The following DNAH5 variants were observed in gnomAD, a reference collection of about 807,000 sequenced individuals.
The protein encoded by DNAH5 is dynein axonemal heavy chain 5.
A neutral mutation model predicts 518.2 loss-of-function variants in DNAH5; 372 were observed. That is an observed-to-expected ratio of 0.72 (90% CI 0.66 to 0.78). DNAH5 has a LOEUF of 0.78. Among genes scored for constraint, DNAH5 ranks in the 30% least tolerant of loss-of-function variants. The probability of loss-of-function intolerance (pLI) is 0.00; values close to 1 mark genes in which losing one functional copy is unlikely to be tolerated. For missense variants in DNAH5, 5,523 were observed against 5,687.0 expected (o/e 0.97, Z 0.93); for synonymous variants, 2,039 against 2,025.9 (o/e 1.01, Z -0.17).
intron 16 of DNAH5, among the ~76,000 whole-genome samples, chr5:13,893,689 G>A (rs956017215): frequency 6.6e-6 from 1 of 152,090 alleles, no homozygotes; most frequent in Non-Finnish European, 1.5e-5. Context: ...AGATGAAACT[G>A]TACTAAACCA....
intron 70 of DNAH5, among the ~76,000 whole-genome samples, chr5:13,724,023 A>G (rs1037141063): frequency 6.6e-6 from 1 of 152,232 alleles, no homozygotes; most frequent in Non-Finnish European, 1.5e-5. Context: ...AAGGATGCTC[A>G]GCAATCCCAG....
At chr5:13,986,233 AT>A (rs1304811059) in intron 1 of DNAH5, among the ~76,000 whole-genome samples, 1 of 152,190 alleles carries the variant, frequency 6.6e-6, no homozygotes, top group Non-Finnish European at 1.5e-5. Flanking sequence ...GTGTGTGTGC[AT>A]TCTGAGCTTC....
At chr5:13,884,688 T>C (rs1772140008) in intron 19 of DNAH5, among the ~76,000 whole-genome samples, 1 of 152,110 alleles carries the variant, frequency 6.6e-6, no homozygotes, top group South Asian at 2.1e-4. Flanking sequence ...ATACAAAAAA[T>C]TAGCCAGGCG....
intron 60 of DNAH5, among the ~76,000 whole-genome samples, chr5:13,761,287 T>A (rs1751732498): frequency 6.6e-6 from 1 of 152,160 alleles, no homozygotes; most frequent in Non-Finnish European, 1.5e-5. Context: ...TGAACTTAAC[T>A]GTAGTTCTCT....
At chr5:13,964,235 G>A (rs919032953) in intron 1 of DNAH5, among the ~76,000 whole-genome samples, 23 of 152,054 alleles carry the variant, frequency 1.5e-4, no homozygotes, top group Non-Finnish European at 2.8e-4. Flanking sequence ...AGACAGCCCA[G>A]GGTCACCTAG....
chr5:13,871,114 C>A, intron 23 of DNAH5, 112 bp from the exon 24 acceptor site: 3 of 749,866 alleles, frequency 4.0e-6, no homozygotes, highest in Admixed American at 2.9e-5. Context: ...TGCCCTCTAA[C>A]CCACAAAAAA....
intron 16 of DNAH5, 76 bp downstream of exon 16, chr5:13,894,574 G>T: frequency 1.4e-6 from 2 of 1,478,480 alleles, no homozygotes; most frequent in Non-Finnish European, 1.9e-6. Flanking sequence ...TCTCCATATT[G>T]ATAAGAAATT....
At chr5:13,885,302 C>G in intron 18 of DNAH5, 74 bp from the exon 19 acceptor site, 3 of 1,537,500 alleles carry the variant, frequency 2.0e-6, no homozygotes, top group Non-Finnish European at 2.7e-6. Flanking sequence ...GATAGATAGA[C>G]AGATAGATAG....
rs539882087 is a variant in DNAH5, at chr5:13,735,509, G to A, written c.11571-188C>T. Among the ~76,000 whole-genome samples the A allele has an allele frequency of 2.2e-4, 33 of 152,194 alleles. No individual in the cohort carries two copies. In the South Asian group the frequency reaches 6.9e-3, roughly 32 times the overall value. On this transcript the variant is annotated intron_variant, in intron 67 of 78. Coordinates refer to ENST00000265104, the MANE Select transcript of DNAH5 (RefSeq NM_001369.3). Reference sequence around the variant, plus strand: ...ACATGAAATAATATAACAGAATCCCGAATGTTGTCTAAATCAATTCTACCT... The same window carrying A: ...ACATGAAATAATATAACAGAATCCCAAATGTTGTCTAAATCAATTCTACCT...
chr5:13,941,055 T>C lies in DNAH5; in HGVS notation c.57+3327A>G, dbSNP rs1779414473. 3.8e-5 allele frequency among the ~76,000 whole-genome samples: 3 copies of C among 78,938 alleles called. No homozygotes were observed. In the Admixed American group the frequency reaches 4.7e-4, roughly 12 times the overall value. 51.8% of individuals were successfully genotyped at this position (78,938 alleles called of 152,430 possible). ...CTAGTTCAGGCTAGAGAGTGCTCAG[T>C]GGGCCTTTACAAGCAGCACTGGCAC... On this transcript the variant is annotated intron_variant, in intron 1 of 78. Transcript: ENST00000265104.
rs1235570607 is a variant in DNAH5, at chr5:13,963,704, C to A, written c.13-32460G>T. Among the ~76,000 whole-genome samples the A allele has an allele frequency of 2.0e-5, 3 of 152,092 alleles. No homozygotes were observed. In the East Asian group the frequency reaches 5.8e-4, roughly 29 times the overall value. On this transcript the variant is annotated intron_variant, in intron 1 of 78. Coordinates refer to the DNAH5 transcript ENST00000681290. Reference sequence around the variant, plus strand: ...AACCAGATATACTCTTATACCCGAACATTAATAAAATTGCTCTCCCCACTA... The same window carrying A: ...AACCAGATATACTCTTATACCCGAAAATTAATAAAATTGCTCTCCCCACTA...
At chr5:13,831,892 C>G (rs1189960858) in intron 35 of DNAH5, among the ~76,000 whole-genome samples, 1 of 152,134 alleles carries the variant, frequency 6.6e-6, no homozygotes, top group Non-Finnish European at 1.5e-5. Flanking sequence ...GTTCCTTTCC[C>G]CCACTGTACA....
intron 35 of DNAH5, among the ~76,000 whole-genome samples, chr5:13,838,652 T>C (rs1443590839): frequency 1.3e-5 from 2 of 152,174 alleles, no homozygotes; most frequent in Admixed American, 6.5e-5. Context: ...TAGTGAATTG[T>C]ATAATTATCT....
Position 13,810,132 on chromosome 5 carries a change from G to C in DNAH5, c.7536C>G (p.Pro2512=). 6.5e-7 allele frequency: 1 copy of C among 1,549,802 alleles called. No homozygotes were observed. The highest frequency in any genetic ancestry group is 8.7e-7 in the Non-Finnish European group (1 of 1,146,614). The change falls in exon 45 of 79, where the codon CCC becomes CCG. Residue 2512 remains proline (P), a synonymous_variant. Transcript: ENST00000265104. ...GCGGCGGCAGCTCCAGCGTCCCTGT[G>C]GGCCGAGAGCGCAGCCAGAGCTCCA... The part of the protein sequence containing the change: ...RRLELWLRSR[P]TGTLELPPPA...
intron 1 of DNAH5, among the ~76,000 whole-genome samples, chr5:13,966,250 T>A (rs371812920): frequency 3.3e-5 from 5 of 152,278 alleles, no homozygotes; most frequent in African/African-American, 1.2e-4. Context: ...ATTTTCTTTA[T>A]CCACTCGTCA....
At chr5:13,941,105 C>A (rs1779420794) in intron 1 of DNAH5, among the ~76,000 whole-genome samples, 1 of 152,156 alleles carries the variant, frequency 6.6e-6, no homozygotes, top group Admixed American at 6.5e-5. Flanking sequence ...GTTATCCCAG[C>A]ACTTTGGGAG....
chr5:13,890,736 A>G lies in DNAH5; in HGVS notation c.2577+240T>C, dbSNP rs1030244298. On this transcript the variant is annotated intron_variant, in intron 17 of 78. Coordinates refer to ENST00000265104, the MANE Select transcript of DNAH5 (RefSeq NM_001369.3). ...AATGGAAAAATTCCAAGTGTGTTCT[A>G]TGGCAATTTCTCTCCTACTGATCTG... Among the ~76,000 whole-genome samples, 4 of 152,236 alleles carry G rather than the reference A, an allele frequency of 2.6e-5. No homozygotes were observed. The East Asian group carries it at 7.7e-4, about 29-fold the overall frequency.
At chr5:13,901,924 C>A in intron 13 of DNAH5, 129 bp downstream of exon 13, 1 of 709,748 alleles carries the variant, frequency 1.4e-6, no homozygotes, top group Non-Finnish European at 2.4e-6. Context: ...AAACTATGAC[C>A]TTGTGACCCA....
At chr5:13,937,694 T>C (rs10058864) in intron 1 of DNAH5, among the ~76,000 whole-genome samples, 60,400 of 151,530 alleles carry the variant, frequency 0.4, 13,326 homozygotes, top group East Asian at 0.69. Flanking sequence ...AAGAAAAAAG[T>C]TTTTCTAGGT....
Sources: gnomAD v4.1 joint callset for allele counts (sites outside exome capture counted in the v4.1 genomes callset) on GRCh38, gnomAD v4.1.1 for gene constraint, MANE v1.5 for transcripts, NCBI Gene and HGNC (gene_info 2026-07-23, HGNC 2026-07-21) for gene names.